The following ADCY2 variants were observed in gnomAD, a reference collection of about 807,000 sequenced individuals.
The protein encoded by ADCY2 is adenylate cyclase type 2.
ADCY2 carries 31 observed loss-of-function variants against 125.2 expected under a neutral mutation model. The observed-to-expected ratio is 0.25, with a 90% CI of 0.19 to 0.33. The LOEUF (loss-of-function observed/expected upper bound fraction) is 0.33. ADCY2 is among the 10% of genes least tolerant of loss of function. The pLI is 1.00. For synonymous variants in ADCY2, 512 were observed against 548.4 expected, an observed-to-expected ratio of 0.93 and a Z score of 0.93; for missense variants, 904 against 1,418.2, an observed-to-expected ratio of 0.64 and a Z score of 5.82.
intron 15 of ADCY2, among the ~76,000 whole-genome samples, chr5:7,750,625 C>A (rs1742779948): frequency 6.6e-6 from 1 of 152,098 alleles, no homozygotes; most frequent in African/African-American, 2.4e-5. Context: ...AAGTCTTTAT[C>A]TTTTCCCCAT....
chr5:7,722,473 AG>A (rs1741791456), intron 12 of ADCY2, among the ~76,000 whole-genome samples: 1 of 152,176 alleles, frequency 6.6e-6, no homozygotes. Flanking sequence ...CCGTTCTGAA[AG>A]TGAGTATGGT....
chr5:7,771,111 C>T (rs925348197), intron 17 of ADCY2, among the ~76,000 whole-genome samples: 1 of 152,132 alleles, frequency 6.6e-6, no homozygotes, highest in African/African-American at 2.4e-5. Flanking sequence ...CTCAGACCTG[C>T]CCTGAAGTAG....
intron 9 of ADCY2, among the ~76,000 whole-genome samples, chr5:7,708,388 C>T (rs1027468197): frequency 6.6e-6 from 1 of 152,162 alleles, no homozygotes; most frequent in Non-Finnish European, 1.5e-5. Flanking sequence ...ATGATCCACC[C>T]CATACAAACA....
intron 2 of ADCY2, among the ~76,000 whole-genome samples, chr5:7,418,657 T>TTTTG (rs1156899530): frequency 7.5e-6 from 1 of 133,672 alleles, no homozygotes; most frequent in Non-Finnish European, 1.6e-5. Context: ...GTTTTTTTTT[T>TTTTG]TTTTTTTTTT....
At chr5:7,489,137 C>T (rs1002786552) in intron 2 of ADCY2, among the ~76,000 whole-genome samples, 3 of 152,188 alleles carry the variant, frequency 2.0e-5, no homozygotes, top group Non-Finnish European at 4.4e-5. Context: ...GTGAAACATG[C>T]GTCTTGGGTG....
In ADCY2 at chr5:7,527,167, AG is replaced by A. The variant is rs538991019; in HGVS notation, c.570+6272del. On this transcript the variant is annotated intron_variant, in intron 3 of 24. Transcript: ENST00000338316. ...GGTGGCTGCCTCCTGCCTGGTCCCC[AG>A]GGGTGGTGGCAGTGGTGTGGCCCTC... Among the ~76,000 whole-genome samples the A allele has an allele frequency of 5.9e-3, 900 of 152,296 alleles. 10 individuals are homozygous for A. The highest frequency in any genetic ancestry group is 0.021 in the African/African-American group (868 of 41,570).
chr5:7,826,578 C>T, intron 24 of ADCY2, 141 bp from the exon 25 acceptor site: 1 of 1,090,676 alleles, frequency 9.2e-7, no homozygotes, highest in Non-Finnish European at 1.4e-6. Flanking sequence ...GTGGATTACT[C>T]TCACTTTTCT....
intron 4 of ADCY2, among the ~76,000 whole-genome samples, chr5:7,639,028 T>C (rs192546341): frequency 1.3e-5 from 2 of 152,322 alleles, no homozygotes; most frequent in East Asian, 1.9e-4. Flanking sequence ...TTCTCCTTGC[T>C]TTCTACCATG....
At chr5:7,727,935 C>T (rs1429757165) in intron 14 of ADCY2, among the ~76,000 whole-genome samples, 1 of 152,030 alleles carries the variant, frequency 6.6e-6, no homozygotes, top group Non-Finnish European at 1.5e-5. Context: ...AGTTCAAGAC[C>T]AATCAGGTGA....
chr5:7,748,615 T>C (rs904626663), intron 15 of ADCY2, among the ~76,000 whole-genome samples: 1 of 151,412 alleles, frequency 6.6e-6, no homozygotes, highest in Admixed American at 6.6e-5. Context: ...AATGGAGGCT[T>C]TGGAGTAGAA....
chr5:7,683,926 C>A (rs559474448), intron 4 of ADCY2, among the ~76,000 whole-genome samples: 7 of 152,358 alleles, frequency 4.6e-5, no homozygotes, highest in Admixed American at 2.6e-4. Context: ...TCCTCCTCCT[C>A]AGAAGAAATC....
chr5:7,616,577 A>C (rs550905516), intron 3 of ADCY2, among the ~76,000 whole-genome samples: 15 of 152,336 alleles, frequency 9.8e-5, no homozygotes, highest in Admixed American at 3.3e-4. Flanking sequence ...GTATTTAATG[A>C]ATATCCCATC....
At chr5:7,546,296 A>T (rs1010730606) in intron 3 of ADCY2, among the ~76,000 whole-genome samples, 2 of 152,214 alleles carry the variant, frequency 1.3e-5, no homozygotes, top group Non-Finnish European at 2.9e-5. Flanking sequence ...GACTAAATAC[A>T]TCGATGATAA....
rs547429033 is a variant in ADCY2 at position 7,568,271 on chromosome 5, C to A, written c.570+47372C>A. On this transcript the variant is annotated intron_variant, in intron 3 of 24. Transcript: ENST00000338316. ...ATATTATATTAACTGATTTAAATAT[C>A]TTGGGCTCTAATCTTTGGCACTCCA... 6.6e-5 allele frequency among the ~76,000 whole-genome samples: 10 copies of A among 152,250 alleles called. No homozygotes were observed. In the South Asian group the frequency reaches 2.1e-3, roughly 32 times the overall value.
rs192003816 is a variant in ADCY2 at position 7,712,649 on chromosome 5, A to G, written c.1579-207A>G. On this transcript the variant is annotated intron_variant, in intron 10 of 24. Coordinates refer to ENST00000338316, the MANE Select transcript of ADCY2 (RefSeq NM_020546.3). ...TGCTTCTAGCATCCAGAGTTTAGAG[A>G]TTACAGCAACATTCCAAAGATAAAC... Among the ~76,000 whole-genome samples the G allele has an allele frequency of 5.9e-5, 9 of 152,348 alleles. No individual in the cohort carries two copies. In the East Asian group the frequency reaches 1.4e-3, roughly 23 times the overall value.
intron 4 of ADCY2, among the ~76,000 whole-genome samples, chr5:7,684,614 G>A (rs1046602434): frequency 2.0e-5 from 3 of 152,084 alleles, no homozygotes; most frequent in Admixed American, 6.5e-5. Context: ...TTTTAACAAT[G>A]TACTCTCTAA....
At position 7,499,542 on chromosome 5, in the gene ADCY2, T is replaced by C. The variant is rs1394438247; in HGVS notation, c.409-21196T>C. ...AAAATAAAGTGAGTTCTTTCATCAT[T>C]GCTTAAGTAATAAATGAGGTCAAAG... On this transcript the variant is annotated intron_variant, in intron 2 of 24. Coordinates refer to ENST00000338316, the MANE Select transcript of ADCY2 (RefSeq NM_020546.3). Among the ~76,000 whole-genome samples, 3 of 151,522 alleles carry C rather than the reference T, an allele frequency of 2.0e-5. No homozygotes were observed. The East Asian group carries it at 5.8e-4, about 29-fold the overall frequency.
At chr5:7,452,807 G>C (rs2126422953) in intron 2 of ADCY2, among the ~76,000 whole-genome samples, 1 of 152,284 alleles carries the variant, frequency 6.6e-6, no homozygotes, top group East Asian at 1.9e-4. Flanking sequence ...TTAGGGTAAT[G>C]TGGTATCTCA....
At chr5:7,803,966 A>G (rs1300616349) in intron 21 of ADCY2, among the ~76,000 whole-genome samples, 2 of 148,092 alleles carry the variant, frequency 1.4e-5, no homozygotes, top group East Asian at 2.0e-4. Context: ...ACACACATGT[A>G]TATCGTATGG....
Sources: allele counts gnomAD v4.1 joint callset (sites outside exome capture counted in the v4.1 genomes callset), GRCh38; gene constraint gnomAD v4.1.1; transcripts MANE v1.5; gene names NCBI Gene and HGNC (gene_info 2026-07-23, HGNC 2026-07-21).